Variants in CLMP observed in about 807,000 individuals in gnomAD.
The protein encoded by CLMP is CXADR-like membrane protein.
A neutral mutation model predicts 45.2 loss-of-function variants in CLMP; 27 were observed. That is an observed-to-expected ratio of 0.60 (90% CI 0.44 to 0.82). The LOEUF (loss-of-function observed/expected upper bound fraction) is 0.82, where lower values mean the gene tolerates loss of function less well. Among genes scored for constraint, CLMP ranks in the 40% least tolerant of loss-of-function variants. The pLI is 0.00. For missense variants in CLMP, 403 were observed against 448.4 expected (o/e 0.90, Z 0.91); for synonymous variants, 167 against 171.4 (o/e 0.97, Z 0.20).
intron 1 of CLMP, among the ~76,000 whole-genome samples, chr11:123,143,482 T>A (rs1240493300): frequency 6.6e-6 from 1 of 151,486 alleles, no homozygotes; most frequent in Admixed American, 6.6e-5. Context: ...ACTGCCAGCC[T>A]TGAAGAAGTT....
intron 1 of CLMP, among the ~76,000 whole-genome samples, chr11:123,128,852 G>C (rs540377585): frequency 3.9e-5 from 6 of 152,258 alleles, no homozygotes; most frequent in African/African-American, 1.4e-4. Context: ...TCTGTGAACA[G>C]CATCTTTTTT....
intron 1 of CLMP, among the ~76,000 whole-genome samples, chr11:123,114,334 T>C (rs1591463620): frequency 6.6e-6 from 1 of 152,144 alleles, no homozygotes; most frequent in East Asian, 1.9e-4. Flanking sequence ...AGATGACTGG[T>C]TTGAACTTCA....
intron 1 of CLMP, among the ~76,000 whole-genome samples, chr11:123,144,556 G>A (rs952124529): frequency 3.3e-5 from 5 of 152,144 alleles, no homozygotes; most frequent in Non-Finnish European, 7.3e-5. Context: ...TTTTAGTAGA[G>A]ACGAAGTTTC....
chr11:123,153,492 G>A (rs930247852), intron 1 of CLMP, among the ~76,000 whole-genome samples: 3 of 152,124 alleles, frequency 2.0e-5, no homozygotes, highest in African/African-American at 7.2e-5. Context: ...TAAAGCTAAG[G>A]TGGGCGGCAG....
intron 1 of CLMP, among the ~76,000 whole-genome samples, chr11:123,190,378 C>G (rs1027723669): frequency 6.6e-6 from 1 of 152,122 alleles, no homozygotes; most frequent in Non-Finnish European, 1.5e-5. Context: ...TTCCTGATGA[C>G]AACCACATCT....
chr11:123,155,540 A>G (rs9943585), intron 1 of CLMP, among the ~76,000 whole-genome samples: 42,916 of 152,206 alleles, frequency 0.28, 6,324 homozygotes, highest in African/African-American at 0.35. Context: ...TGGAGAAACC[A>G]GCTCAGAGGG....
In CLMP at chr11:123,073,671, T is replaced by C. The variant is rs1865700941; in HGVS notation, c.925A>G (p.Asn309Asp). The change falls in exon 7 of 7, where the codon AAT (asparagine) becomes GAT (aspartate). Residue 309 changes from asparagine (N) to aspartate (D), a missense_variant. By Grantham distance (23) the Asn-to-Asp change is conservative (BLOSUM62 1). Transcript: ENST00000448775. ...SGSSSTRSTA[N>D]SASRSQRTLS... Reference sequence around the variant, plus strand: ...GTCCGCTGGCTGCGTGAGGCACTATTTGCTGTGGAGCGAGTGGAGGAAGAA... The same window carrying C: ...GTCCGCTGGCTGCGTGAGGCACTATCTGCTGTGGAGCGAGTGGAGGAAGAA... 4 of 1,614,108 alleles carry C rather than the reference T, an allele frequency of 2.5e-6. No homozygotes were observed. Among genetic ancestry groups the C allele is most frequent in the Non-Finnish European group, 3.4e-6 (4 of 1,180,048 alleles).
At position 123,179,330 on chromosome 11, in the gene CLMP, T is replaced by G. The variant is rs1238122354; in HGVS notation, c.28+15583A>C. ...TGCATGATCATCTTTCAGAAAGGGA[T>G]TTCTATTGGGTGGAGGCGGGATAGA... On this transcript the variant is annotated intron_variant, in intron 1 of 6. Coordinates refer to ENST00000448775, the MANE Select transcript of CLMP (RefSeq NM_024769.5). 3.3e-5 allele frequency among the ~76,000 whole-genome samples: 5 copies of G among 152,158 alleles called. No individual in the cohort carries two copies. The East Asian group carries it at 9.6e-4, about 29-fold the overall frequency.
chr11:123,119,325 C>T (rs147031705), intron 1 of CLMP, among the ~76,000 whole-genome samples: 2,229 of 151,932 alleles, frequency 0.015, 26 homozygotes, highest in South Asian at 0.028. Flanking sequence ...TCAGGTGATC[C>T]GCCTGCCTCG....
At chr11:123,178,961 G>T (rs536067904) in intron 1 of CLMP, among the ~76,000 whole-genome samples, 1 of 152,248 alleles carries the variant, frequency 6.6e-6, no homozygotes, top group Admixed American at 6.5e-5. Flanking sequence ...TTTAAAAAGT[G>T]TTTTTTTAGG....
At chr11:123,151,555 G>A (rs550389032) in intron 1 of CLMP, among the ~76,000 whole-genome samples, 4 of 152,180 alleles carry the variant, frequency 2.6e-5, no homozygotes, top group Non-Finnish European at 5.9e-5. Flanking sequence ...ATGCTGTACT[G>A]CCACTTTTCC....
chr11:123,140,410 A>G (rs1861137679), intron 1 of CLMP, among the ~76,000 whole-genome samples: 1 of 152,154 alleles, frequency 6.6e-6, no homozygotes, highest in Non-Finnish European at 1.5e-5. Flanking sequence ...GGTGAAATGT[A>G]AAAGGGATTC....
chr11:123,106,829 G>A (rs1591460436), intron 1 of CLMP, among the ~76,000 whole-genome samples: 1 of 151,894 alleles, frequency 6.6e-6, no homozygotes, highest in East Asian at 2.0e-4. Context: ...GACCATCCTG[G>A]CTAACACAGT....
At chr11:123,101,920 A>C (rs1385061047) in intron 1 of CLMP, among the ~76,000 whole-genome samples, 1 of 152,208 alleles carries the variant, frequency 6.6e-6, no homozygotes, top group Non-Finnish European at 1.5e-5. Flanking sequence ...GCGGTGGCTC[A>C]TGCCTGTAAT....
intron 2 of CLMP, among the ~76,000 whole-genome samples, chr11:123,096,876 T>G (rs1865996644): frequency 6.6e-6 from 1 of 152,088 alleles, no homozygotes; most frequent in Admixed American, 6.6e-5. Flanking sequence ...AGTGGTGTGA[T>G]CTCAGCTCAC....
At chr11:123,132,616 A>G (rs113701286) in intron 1 of CLMP, among the ~76,000 whole-genome samples, 2 of 151,374 alleles carry the variant, frequency 1.3e-5, no homozygotes, top group African/African-American at 4.9e-5. Context: ...CTGCCACCAC[A>G]CCCAGCTAAT....
chr11:123,121,969 C>G (rs1183068838), intron 1 of CLMP, among the ~76,000 whole-genome samples: 1 of 152,052 alleles, frequency 6.6e-6, no homozygotes, highest in Non-Finnish European at 1.5e-5. Context: ...TCTTGAACTC[C>G]TGGACTCAAG....
chr11:123,129,665 T>TTA (rs1221571435), intron 1 of CLMP, among the ~76,000 whole-genome samples: 3 of 140,986 alleles, frequency 2.1e-5, no homozygotes, highest in African/African-American at 7.7e-5. Context: ...TATATAAATT[T>TTA]TATATATATA....
intron 1 of CLMP, among the ~76,000 whole-genome samples, chr11:123,128,239 GAA>G (rs577733772): frequency 8.1e-6 from 1 of 124,208 alleles, no homozygotes; most frequent in South Asian, 2.9e-4. Context: ...ATTAAAAAAA[GAA>G]AAAAAAAAAA....
Sources: allele counts gnomAD v4.1 joint callset (sites outside exome capture counted in the v4.1 genomes callset), GRCh38; gene constraint gnomAD v4.1.1; transcripts MANE v1.5; gene names NCBI Gene and HGNC (gene_info 2026-07-23, HGNC 2026-07-21).